Variants in CNTNAP2 observed in about 807,000 individuals in gnomAD.
The protein encoded by CNTNAP2 is contactin associated protein 2, also known as contactin-associated protein-like 2.
In CNTNAP2, 98 loss-of-function variants were observed where a neutral mutation model predicts 155.2. The ratio of observed to expected loss-of-function variants is 0.63; its 90% confidence interval spans 0.54 to 0.75. CNTNAP2 has a LOEUF of 0.75. Among genes scored for constraint, CNTNAP2 ranks in the 30% least tolerant of loss-of-function variants. The pLI, the probability that CNTNAP2 is intolerant of heterozygous loss-of-function variation, is 0.00. For synonymous variants in CNTNAP2, 651 were observed against 631.2 expected (o/e 1.03, Z -0.47); for missense variants, 1,727 against 1,688.1 (o/e 1.02, Z -0.40).
At chr7:148,153,976 G>C (rs1805354392) in intron 17 of CNTNAP2, among the ~76,000 whole-genome samples, 1 of 152,262 alleles carries the variant, frequency 6.6e-6, no homozygotes, top group Admixed American at 6.5e-5. Flanking sequence ...GGCCATTTCA[G>C]ACAGCTTCAG....
intron 3 of CNTNAP2, among the ~76,000 whole-genome samples, chr7:146,974,587 G>T (rs919655051): frequency 9.2e-5 from 14 of 152,172 alleles, no homozygotes; most frequent in African/African-American, 3.4e-4. Flanking sequence ...TGTAGGCAAA[G>T]TTATCTCTCC....
chr7:147,592,055 C>G (rs1563012299), intron 12 of CNTNAP2, among the ~76,000 whole-genome samples: 1 of 152,174 alleles, frequency 6.6e-6, no homozygotes, highest in Non-Finnish European at 1.5e-5. Context: ...GTCATGATAT[C>G]TTTCATATCA....
chr7:147,796,477 T>C (rs1183185553), intron 13 of CNTNAP2, among the ~76,000 whole-genome samples: 1 of 151,982 alleles, frequency 6.6e-6, no homozygotes, highest in Admixed American at 6.6e-5. Context: ...TTATCTAGGA[T>C]AGTGTTTAAA....
At chr7:148,046,561 C>T (rs1340904701) in intron 15 of CNTNAP2, among the ~76,000 whole-genome samples, 1 of 152,154 alleles carries the variant, frequency 6.6e-6, no homozygotes, top group Non-Finnish European at 1.5e-5. Flanking sequence ...CACTTTTCCT[C>T]TCTGGCTACC....
At chr7:146,857,814 A>G (rs1019749060) in intron 3 of CNTNAP2, among the ~76,000 whole-genome samples, 2 of 152,196 alleles carry the variant, frequency 1.3e-5, no homozygotes, top group Admixed American at 6.5e-5. Context: ...GTTTGGTTCT[A>G]TATCATATGT....
intron 1 of CNTNAP2, among the ~76,000 whole-genome samples, chr7:146,638,379 A>G (rs1038407811): frequency 2.0e-5 from 3 of 151,932 alleles, no homozygotes; most frequent in Non-Finnish European, 4.4e-5. Context: ...GGCTGGGGCA[A>G]GTATCACTGG....
Position 146,508,803 on chromosome 7 carries a change from A to G in CNTNAP2, c.98-265468A>G, listed in dbSNP as rs1797423746. On this transcript the variant is annotated intron_variant, in intron 1 of 23. Coordinates refer to ENST00000361727, the MANE Select transcript of CNTNAP2 (RefSeq NM_014141.6). ...CAGGGACAATTGCCTCCACAAAGTT[A>G]ACAGCACTTCATTGGGTTGCCTCTC... 2.0e-5 allele frequency among the ~76,000 whole-genome samples: 3 copies of G among 152,290 alleles called. No homozygotes were observed. The South Asian group carries it at 6.2e-4, about 32-fold the overall frequency.
intron 3 of CNTNAP2, among the ~76,000 whole-genome samples, chr7:146,890,045 A>G (rs1010802736): frequency 1.3e-5 from 2 of 152,190 alleles, no homozygotes; most frequent in Non-Finnish European, 2.9e-5. Flanking sequence ...GCTGCCAGCC[A>G]GCAACTGAGA....
chr7:147,849,725 C>T lies in CNTNAP2; in HGVS notation c.2099-53840C>T, dbSNP rs141581797. Among the ~76,000 whole-genome samples the T allele has an allele frequency of 1.6e-3, 238 of 152,346 alleles. 2 individuals are homozygous for T. The highest frequency in any genetic ancestry group is 5.6e-3 in the African/African-American group (233 of 41,578). On this transcript the variant is annotated intron_variant, in intron 13 of 23. Transcript: ENST00000361727. The stretch of plus-strand genomic sequence containing the variant: ...GAGCAGGCCAGGGACTCTGTGGACC[C>T]AGCCATGCCCTTTCTGTCACCAAGG...
intron 1 of CNTNAP2, among the ~76,000 whole-genome samples, chr7:146,190,441 G>A (rs1057002549): frequency 4.6e-5 from 7 of 152,136 alleles, no homozygotes; most frequent in African/African-American, 1.7e-4. Flanking sequence ...GATAATTGTA[G>A]CAATAGCATG....
In CNTNAP2 at chr7:147,869,682, A is replaced by C. The variant is rs527960318; in HGVS notation, c.2099-33883A>C. Among the ~76,000 whole-genome samples the C allele has an allele frequency of 2.6e-5, 4 of 152,342 alleles. No individual in the cohort carries two copies. In the South Asian group the frequency reaches 8.3e-4, roughly 32 times the overall value. On this transcript the variant is annotated intron_variant, in intron 13 of 23. Coordinates refer to ENST00000361727, the MANE Select transcript of CNTNAP2 (RefSeq NM_014141.6). ...GACTCTTGATCCGGAGGGATGTATA[A>C]GTGTCCCTGAATAATGACTGTAGTT...
At chr7:147,049,580 T>G (rs1167575811) in intron 4 of CNTNAP2, among the ~76,000 whole-genome samples, 15 of 152,134 alleles carry the variant, frequency 9.9e-5, no homozygotes, top group Admixed American at 9.8e-4. Flanking sequence ...TTTGGCTTCC[T>G]AGAGAATAGC....
intron 13 of CNTNAP2, among the ~76,000 whole-genome samples, chr7:147,834,482 C>CT (rs1434135923): frequency 1.3e-5 from 2 of 152,176 alleles, no homozygotes; most frequent in African/African-American, 4.8e-5. Context: ...TAGAATTCAA[C>CT]TTTTTAATAG....
intron 3 of CNTNAP2, among the ~76,000 whole-genome samples, chr7:146,854,057 G>A (rs560811867): frequency 6.6e-6 from 1 of 152,254 alleles, no homozygotes; most frequent in East Asian, 1.9e-4. Flanking sequence ...GCAGCAACAG[G>A]GAGATGAGAA....
At chr7:146,130,997 C>A (rs528386135) in intron 1 of CNTNAP2, among the ~76,000 whole-genome samples, 4 of 152,178 alleles carry the variant, frequency 2.6e-5, no homozygotes, top group Admixed American at 2.6e-4. Flanking sequence ...AAGAGGGTTA[C>A]AATTCAAGAT....
intron 13 of CNTNAP2, among the ~76,000 whole-genome samples, chr7:147,802,110 G>C (rs1478171025): frequency 6.8e-6 from 1 of 148,094 alleles, no homozygotes; most frequent in Non-Finnish European, 1.5e-5. Flanking sequence ...GGGGCGGCCG[G>C]GCAGAGACGC....
intron 21 of CNTNAP2, among the ~76,000 whole-genome samples, chr7:148,328,583 C>T (rs887013875): frequency 6.6e-6 from 1 of 152,080 alleles, no homozygotes; most frequent in Non-Finnish European, 1.5e-5. Flanking sequence ...CATTGAGGTT[C>T]ACAGAACTCA....
chr7:147,218,922 T>C (rs1445584049), intron 8 of CNTNAP2, among the ~76,000 whole-genome samples: 1 of 152,208 alleles, frequency 6.6e-6, no homozygotes, highest in East Asian at 1.9e-4. Context: ...GGCACATACA[T>C]GTTAAGAATT....
At chr7:148,339,974 A>AGTGTGT (rs10603520) in intron 21 of CNTNAP2, among the ~76,000 whole-genome samples, 21,831 of 144,710 alleles carry the variant, frequency 0.15, 1,798 homozygotes, top group Admixed American at 0.23. Flanking sequence ...TCCTTCGTGC[A>AGTGTGT]GTGTGTGTGT....
Sources: gnomAD v4.1 joint callset for allele counts (sites outside exome capture counted in the v4.1 genomes callset) on GRCh38, gnomAD v4.1.1 for gene constraint, MANE v1.5 for transcripts, NCBI Gene and HGNC (gene_info 2026-07-23, HGNC 2026-07-21) for gene names.